MYSM1: variants seen among roughly 807,000 people sequenced by gnomAD.
MYSM1 encodes the protein Myb like, SWIRM and MPN domains 1.
Under a neutral mutation model 116.0 loss-of-function variants are expected in MYSM1, and 51 were observed. That is an observed-to-expected ratio of 0.44 (90% CI 0.35 to 0.56). MYSM1 has a LOEUF of 0.56. MYSM1 is among the 20% of genes least tolerant of loss of function. MYSM1 has a pLI of 0.00. For synonymous variants in MYSM1, 313 were observed against 315.2 expected (o/e 0.99, Z 0.07); for missense variants, 900 against 974.9 (o/e 0.92, Z 1.02).
chr1:58,682,573 A>AT (rs770228613), intron 7 of MYSM1, 28 bp from the exon 8 acceptor site: 2 of 1,528,578 alleles, frequency 1.3e-6, no homozygotes, highest in South Asian at 1.3e-5. Flanking sequence ...TAAAATCCCC[A>AT]TAATATTAAG....
chr1:58,695,022 T>G lies in MYSM1; in HGVS notation c.147+107A>C, dbSNP rs1418704944. On this transcript the variant is annotated intron_variant, in intron 2 of 19. Coordinates refer to ENST00000472487, the MANE Select transcript of MYSM1 (RefSeq NM_001085487.3). ...ATTTCTAAAAAAGAAAAATATTATATCTGTGATAGTTGAGAACTAGCACTA... is the reference window on the plus strand; with the variant it reads ...ATTTCTAAAAAAGAAAAATATTATAGCTGTGATAGTTGAGAACTAGCACTA... The G allele has an allele frequency of 5.6e-6, 3 of 532,630 alleles. No individual in the cohort carries two copies. The African/African-American group carries it at 5.9e-5, about 10-fold the overall frequency. 33.0% of individuals were successfully genotyped at this position (532,630 alleles called of 1,614,324 possible).
chr1:58,681,748 G>A (rs11207292), intron 8 of MYSM1, 37 bp downstream of exon 8: 890,652 of 1,517,428 alleles, frequency 0.59, 262,953 homozygotes, highest in East Asian at 0.62. Flanking sequence ...AGAATATCAC[G>A]TTTTAAAACA....
At chr1:58,698,102 A>ATATATATATATATTTTT in intron 1 of MYSM1, among the ~76,000 whole-genome samples, 2 of 7,770 alleles carry the variant, frequency 2.6e-4, no homozygotes, top group African/African-American at 5.1e-4. Flanking sequence ...ATATATATAT[A>ATATATATATATATTTTT]TTTTTTTTTT....
chr1:58,671,899 T>C lies in MYSM1; in HGVS notation c.1632A>G (p.Lys544=). 1 of 1,613,512 alleles carries C rather than the reference T, an allele frequency of 6.2e-7. No homozygotes were observed. The highest frequency in any genetic ancestry group is 2.2e-5 in the East Asian group (1 of 44,826). The change falls in exon 12 of 20, where the codon AAA becomes AAG. Residue 544 remains lysine, a synonymous_variant. Coordinates refer to ENST00000472487, the MANE Select transcript of MYSM1 (RefSeq NM_001085487.3). The part of the protein sequence containing the change: ...RREEEKGRPV[K]SLKVPRPTKS... ...TTGTTGGTCTTGGCACTTTTAAAGA[T>C]TTAACAGGTCTGCCTTTTTCCTCTT...
At chr1:58,690,956 C>T (rs1016703764) in intron 3 of MYSM1, among the ~76,000 whole-genome samples, 31 of 152,258 alleles carry the variant, frequency 2.0e-4, no homozygotes, top group African/African-American at 6.7e-4. Flanking sequence ...TCAAATCTAC[C>T]AGAGAACTTC....
At chr1:58,689,154 A>T in intron 5 of MYSM1, 38 bp from the exon 6 acceptor site, 1 of 1,494,692 alleles carries the variant, frequency 6.7e-7, no homozygotes, top group Non-Finnish European at 9.2e-7. Flanking sequence ...AAAATTTCTG[A>T]AATGGAACAT....
chr1:58,698,745 G>C (rs1202127708), intron 1 of MYSM1, among the ~76,000 whole-genome samples: 2 of 152,180 alleles, frequency 1.3e-5, no homozygotes, highest in African/African-American at 4.8e-5. Context: ...ACTTGGTCAA[G>C]ATTTAAACAC....
At chr1:58,693,046 T>C (rs1426018297) in intron 2 of MYSM1, 115 bp from the exon 3 acceptor site, 3 of 775,180 alleles carry the variant, frequency 3.9e-6, no homozygotes, top group Non-Finnish European at 6.1e-6. Context: ...CACCATTTAC[T>C]GAGCACACAG....
intron 17 of MYSM1, among the ~76,000 whole-genome samples, chr1:58,662,445 C>T (rs1046983616): frequency 8.4e-6 from 1 of 118,760 alleles, no homozygotes; most frequent in African/African-American, 3.1e-5. Flanking sequence ...GAAGTAGCTG[C>T]CATTATTCAC....
At chr1:58,660,227 G>A (rs12082192) in intron 19 of MYSM1, 72 bp from the exon 20 acceptor site, 379,179 of 973,070 alleles carry the variant, frequency 0.39, 75,254 homozygotes, top group Non-Finnish European at 0.41. Context: ...TCACTATTTC[G>A]TCCCTTTCCA....
At chr1:58,698,382 G>C (rs990339242) in intron 1 of MYSM1, among the ~76,000 whole-genome samples, 1 of 151,774 alleles carries the variant, frequency 6.6e-6, no homozygotes, top group African/African-American at 2.4e-5. Context: ...TTACAGGCGT[G>C]AGCCACCATG....
chr1:58,678,244 G>A (rs1403552698), intron 8 of MYSM1, among the ~76,000 whole-genome samples: 8 of 152,074 alleles, frequency 5.3e-5, no homozygotes, highest in Non-Finnish European at 1.5e-5. Flanking sequence ...ATGTGGGAGG[G>A]TACCACACCT....
chr1:58,664,262 C>T (rs956897848), intron 17 of MYSM1, among the ~76,000 whole-genome samples: 2 of 152,072 alleles, frequency 1.3e-5, no homozygotes, highest in South Asian at 2.1e-4. Context: ...AAGTTAATTG[C>T]GATTCTTTTT....
At chr1:58,674,384 A>G (rs987571840) in intron 10 of MYSM1, among the ~76,000 whole-genome samples, 3 of 152,188 alleles carry the variant, frequency 2.0e-5, no homozygotes, top group African/African-American at 7.2e-5. Context: ...CAGTTTTGCA[A>G]ACCTCAATAG....
intron 9 of MYSM1, among the ~76,000 whole-genome samples, chr1:58,676,065 A>G (rs1475162443): frequency 2.0e-5 from 3 of 152,246 alleles, no homozygotes; most frequent in African/African-American, 4.8e-5. Context: ...ACCATGGGTT[A>G]CAAGGTTTTA....
intron 16 of MYSM1, among the ~76,000 whole-genome samples, chr1:58,666,460 G>A (rs906091592): frequency 3.3e-5 from 5 of 150,796 alleles, no homozygotes; most frequent in African/African-American, 1.2e-4. Flanking sequence ...TTCATGGCTT[G>A]TTTGTACTTA....
intron 2 of MYSM1, among the ~76,000 whole-genome samples, chr1:58,693,182 G>T (rs914877664): frequency 3.3e-5 from 5 of 152,092 alleles, no homozygotes; most frequent in African/African-American, 4.8e-5. Flanking sequence ...GGATTCCCAG[G>T]CTCATGCTCC....
rs560145923 is a variant in MYSM1, at chr1:58,674,697, G to A, written c.1494+780C>T. Among the ~76,000 whole-genome samples the A allele has an allele frequency of 1.7e-3, 261 of 152,108 alleles. 2 individuals are homozygous for A. Among genetic ancestry groups the A allele is most frequent in the Non-Finnish European group, 2.7e-3 (182 of 67,986 alleles). On this transcript the variant is annotated intron_variant, in intron 10 of 19. Transcript: ENST00000472487. ...TCCCAGCACTTCGGGAGGCCAAGGC[G>A]GGCGGATCATGAGGTCAGGAGATCG...
Position 58,667,933 on chromosome 1 carries a change from A to G in MYSM1, c.1768-12T>C. On this transcript the variant is annotated splice_polypyrimidine_tract_variant and intron_variant, in intron 14 of 19. Coordinates refer to ENST00000472487, the MANE Select transcript of MYSM1 (RefSeq NM_001085487.3). ...GAAACATGAGCATGCTAAAAGAAAT[A>G]CAAGACAGACTTAGCCCAAACGCAC... is the stretch of plus-strand genomic sequence containing the variant. The G allele has an allele frequency of 6.2e-7, 1 of 1,602,452 alleles. No individual in the cohort carries two copies. Among genetic ancestry groups the G allele is most frequent in the African/African-American group, 1.3e-5 (1 of 74,812 alleles).
Sources: allele counts gnomAD v4.1 joint callset (sites outside exome capture counted in the v4.1 genomes callset), GRCh38; gene constraint gnomAD v4.1.1; transcripts MANE v1.5; gene names NCBI Gene and HGNC (gene_info 2026-07-23, HGNC 2026-07-21).